SLC22A15: variants seen among roughly 807,000 people sequenced by gnomAD.
SLC22A15 encodes the protein solute carrier family 22 member 15.
In SLC22A15, 45 loss-of-function variants were observed where a neutral mutation model predicts 62.7. That is an observed-to-expected ratio of 0.72 (90% CI 0.56 to 0.92). The LOEUF (loss-of-function observed/expected upper bound fraction) is 0.92. SLC22A15 is among the 40% of genes least tolerant of loss of function. SLC22A15 has a pLI of 0.00. For synonymous variants in SLC22A15, 264 were observed against 267.0 expected (o/e 0.99, Z 0.11); for missense variants, 622 against 665.6 (o/e 0.93, Z 0.72).
chr1:116,017,095 A>G (rs1011841411), intron 2 of SLC22A15, among the ~76,000 whole-genome samples: 24 of 152,006 alleles, frequency 1.6e-4, no homozygotes, highest in African/African-American at 5.8e-4. Context: ...TACCACCTCC[A>G]CTAGAGATAC....
intron 4 of SLC22A15, among the ~76,000 whole-genome samples, chr1:116,021,343 A>G (rs1183343850): frequency 2.0e-5 from 3 of 152,154 alleles, no homozygotes; most frequent in Admixed American, 1.3e-4. Flanking sequence ...CTTTATTGAT[A>G]TTTAATTTCC....
At chr1:115,984,815 T>G (rs979477435) in intron 1 of SLC22A15, among the ~76,000 whole-genome samples, 2 of 150,472 alleles carry the variant, frequency 1.3e-5, no homozygotes, top group Non-Finnish European at 3.0e-5. Flanking sequence ...CTAATGTGTG[T>G]GTGTCTTAGG....
intron 1 of SLC22A15, among the ~76,000 whole-genome samples, chr1:115,983,975 A>T (rs569599274): frequency 6.6e-6 from 1 of 152,264 alleles, no homozygotes; most frequent in South Asian, 2.1e-4. Context: ...ACTAGCTAAC[A>T]CTTGGCATTC....
intron 8 of SLC22A15, among the ~76,000 whole-genome samples, chr1:116,053,928 C>T (rs1237867082): frequency 4.0e-5 from 6 of 151,678 alleles, no homozygotes; most frequent in Admixed American, 1.3e-4. Flanking sequence ...AAGGAACAAC[C>T]GGTACCAGCC....
rs930206731 is a variant in SLC22A15 at position 116,066,634 on chromosome 1, T to G, written c.1480T>G (p.Ser494Ala). The G allele has an allele frequency of 1.2e-6, 2 of 1,612,234 alleles. No homozygotes were observed. Among genetic ancestry groups the G allele is most frequent in the Non-Finnish European group, 1.7e-6 (2 of 1,179,362 alleles). Residue 494 changes from serine to alanine, a missense_variant, in exon 11 of 12, where the codon TCC (serine) becomes GCC (alanine). Transcript: ENST00000369503. ...TLNSPLLETFSDLQVYSYRRL... is the reference protein window; with the variant it reads ...TLNSPLLETFADLQVYSYRRL... ...TAACAGTCCGCTGCTAGAAACATTC[T>G]CCGACCTTCAGGTGTATTCGTATCG...
At chr1:115,984,739 C>A (rs1654771013) in intron 1 of SLC22A15, among the ~76,000 whole-genome samples, 1 of 152,048 alleles carries the variant, frequency 6.6e-6, no homozygotes, top group Non-Finnish European at 1.5e-5. Flanking sequence ...TCCTGAAGAC[C>A]TTCCATTGGG....
At chr1:116,059,464 A>G (rs1658319523) in intron 8 of SLC22A15, among the ~76,000 whole-genome samples, 2 of 152,190 alleles carry the variant, frequency 1.3e-5, no homozygotes, top group Admixed American at 1.3e-4. Flanking sequence ...TATCAATATA[A>G]TGGAATATTA....
chr1:115,992,218 G>C lies in SLC22A15; in HGVS notation c.275G>C (p.Ser92Thr), dbSNP rs185420236. The C allele has an allele frequency of 6.0e-3, 9,573 of 1,599,450 alleles. 37 individuals carry two copies. Among genetic ancestry groups the C allele is most frequent in the Non-Finnish European group, 7.1e-3 (8,366 of 1,172,734 alleles). ...ATCCATAAGCACGTGCATTTCAGCA[G>C]CAGCTTCACCTCCATCGCCTCGGAG... ...SEIHKHVHFS[S>T]SFTSIASEWF... is the part of the protein sequence containing the mutation. The change falls in exon 2 of 12, where the codon AGC becomes ACC. Residue 92 changes from serine to threonine, a missense_variant. Coordinates refer to ENST00000369503, the MANE Select transcript of SLC22A15 (RefSeq NM_018420.3).
intron 1 of SLC22A15, among the ~76,000 whole-genome samples, chr1:115,984,578 A>G (rs939444895): frequency 6.6e-6 from 1 of 152,218 alleles, no homozygotes; most frequent in Non-Finnish European, 1.5e-5. Context: ...TTCCTGTGCT[A>G]TATTTTTAAT....
At chr1:116,016,226 G>A (rs1052198719) in intron 2 of SLC22A15, among the ~76,000 whole-genome samples, 7 of 147,082 alleles carry the variant, frequency 4.8e-5, no homozygotes, top group African/African-American at 1.8e-4. Flanking sequence ...TTTTGACAGG[G>A]TCTCACTCTG....
At chr1:115,978,913 G>A (rs1184187895) in intron 1 of SLC22A15, among the ~76,000 whole-genome samples, 1 of 152,114 alleles carries the variant, frequency 6.6e-6, no homozygotes, top group Non-Finnish European at 1.5e-5. Flanking sequence ...AATCAAAGGA[G>A]TTTTCGTACC....
At chr1:116,011,396 G>A (rs947323719) in intron 2 of SLC22A15, among the ~76,000 whole-genome samples, 8 of 152,080 alleles carry the variant, frequency 5.3e-5, no homozygotes, top group East Asian at 1.9e-4. Flanking sequence ...AATGGCATTC[G>A]GTGGCTCCAA....
chr1:116,031,751 C>T, intron 6 of SLC22A15, 170 bp downstream of exon 6: 3 of 1,434,472 alleles, frequency 2.1e-6, no homozygotes, highest in Non-Finnish European at 2.7e-6. Flanking sequence ...TCTGCTTGCG[C>T]AGCCCCGTCT....
At chr1:116,051,433 C>T (rs1658045530) in intron 8 of SLC22A15, among the ~76,000 whole-genome samples, 1 of 152,106 alleles carries the variant, frequency 6.6e-6, no homozygotes, top group South Asian at 2.1e-4. Flanking sequence ...AACTGATCTT[C>T]AAGAAAGCAA....
chr1:116,027,516 G>A (rs114504464), intron 5 of SLC22A15, among the ~76,000 whole-genome samples: 2,089 of 152,238 alleles, frequency 0.014, 49 homozygotes, highest in African/African-American at 0.047. Context: ...CATAGCAGTG[G>A]CAGGATGATT....
chr1:116,017,144 C>T (rs764440575), intron 2 of SLC22A15, among the ~76,000 whole-genome samples: 36 of 152,026 alleles, frequency 2.4e-4, no homozygotes, highest in Non-Finnish European at 4.4e-4. Context: ...CAATTATTTT[C>T]CCCGAAGAGT....
intron 2 of SLC22A15, among the ~76,000 whole-genome samples, chr1:115,998,304 A>G (rs1056519130): frequency 6.6e-6 from 1 of 152,078 alleles, no homozygotes; most frequent in Non-Finnish European, 1.5e-5. Flanking sequence ...TCGAAGGATC[A>G]TTTTGGAAGT....
chr1:116,015,504 G>A (rs1483113105), intron 2 of SLC22A15, among the ~76,000 whole-genome samples: 1 of 152,164 alleles, frequency 6.6e-6, no homozygotes, highest in Non-Finnish European at 1.5e-5. Context: ...GGATAGTATT[G>A]TAGCCTTTTC....
At position 116,020,115 on chromosome 1, in the gene SLC22A15, T is replaced by C. The variant is rs1159070476; in HGVS notation, c.433+401T>C. Among the ~76,000 whole-genome samples, 6 of 152,264 alleles carry C rather than the reference T, an allele frequency of 3.9e-5. No homozygotes were observed. The East Asian group carries it at 1.2e-3, about 29-fold the overall frequency. ...ACTTGGCATAGTGCTCTTGACAAGC[T>C]GAGTATGAGCAAGGGTTTTTCATTT... is the stretch of plus-strand genomic sequence containing the variant. On this transcript the variant is annotated intron_variant, in intron 3 of 11. Transcript: ENST00000369503.
Sources: gnomAD v4.1 joint callset for allele counts (sites outside exome capture counted in the v4.1 genomes callset) on GRCh38, gnomAD v4.1.1 for gene constraint, MANE v1.5 for transcripts, NCBI Gene and HGNC (gene_info 2026-07-23, HGNC 2026-07-21) for gene names.